The following EEA1 variants were observed in gnomAD, a reference collection of about 807,000 sequenced individuals.
The protein encoded by EEA1 is early endosome antigen 1, 162kD.
A neutral mutation model predicts 209.2 loss-of-function variants in EEA1; 111 were observed. That is an observed-to-expected ratio of 0.53 (90% CI 0.45 to 0.62). EEA1 has a LOEUF of 0.62. EEA1 is among the 20% of genes least tolerant of loss of function. EEA1 has a pLI of 0.00. For synonymous variants in EEA1, 536 were observed against 540.6 expected (o/e 0.99, Z 0.12); for missense variants, 1,343 against 1,530.8 (o/e 0.88, Z 2.05).
intron 24 of EEA1, among the ~76,000 whole-genome samples, chr12:92,779,773 G>T (rs1425315461): frequency 6.6e-6 from 1 of 152,056 alleles, no homozygotes; most frequent in African/African-American, 2.4e-5. Context: ...GTGCTCTCAA[G>T]AAAGAATCTA....
chr12:92,875,577 A>C (rs1878846736), intron 2 of EEA1, among the ~76,000 whole-genome samples: 1 of 152,120 alleles, frequency 6.6e-6, no homozygotes, highest in Admixed American at 6.6e-5. Flanking sequence ...GATCATTACA[A>C]CAGCCTCCTA....
Position 92,799,074 on chromosome 12 carries a change from A to G in EEA1, c.2785T>C (p.Leu929=), listed in dbSNP as rs780288618. 13 of 1,588,400 alleles carry G rather than the reference A, an allele frequency of 8.2e-6. No homozygotes were observed. Among genetic ancestry groups the G allele is most frequent in the Non-Finnish European group, 1.0e-5 (12 of 1,171,406 alleles). Residue 929 remains leucine, a synonymous_variant, in exon 21 of 29, where the codon TTG becomes CTG. Transcript: ENST00000322349. ...LEKEKEASHQ[L]KLELNSMQEQ... ...TGCATTGAATTGAGTTCCAATTTCA[A>G]CTGATGAGAAGCCTGAAAGAAAAAA...
intron 1 of EEA1, among the ~76,000 whole-genome samples, chr12:92,920,407 T>G (rs1330128449): frequency 2.1e-5 from 3 of 143,896 alleles, no homozygotes; most frequent in African/African-American, 8.2e-5. Context: ...GAGATATAGA[T>G]AAATGGAACA....
intron 20 of EEA1, among the ~76,000 whole-genome samples, chr12:92,799,616 C>T (rs1397121330): frequency 6.6e-6 from 1 of 151,760 alleles, no homozygotes; most frequent in Non-Finnish European, 1.5e-5. Flanking sequence ...GAAACCCCAT[C>T]TCTACTAAAA....
chr12:92,789,318 A>C lies in EEA1; in HGVS notation c.2968-1269T>G, dbSNP rs543704438. 6.6e-5 allele frequency among the ~76,000 whole-genome samples: 10 copies of C among 151,178 alleles called. No homozygotes were observed. In the East Asian group the frequency reaches 1.9e-3, roughly 29 times the overall value. On this transcript the variant is annotated intron_variant, in intron 21 of 28. Transcript: ENST00000322349. Reference sequence around the variant, plus strand: ...AAAAAAAGAAAGAAAGAAAAGAAAAAGAGAAAGAAAAGAAAAGAAAAAAAA... The same window carrying C: ...AAAAAAAGAAAGAAAGAAAAGAAAACGAGAAAGAAAAGAAAAGAAAAAAAA...
intron 13 of EEA1, among the ~76,000 whole-genome samples, chr12:92,821,985 C>CAT (rs200890634): frequency 0.017 from 2,532 of 149,186 alleles, 32 homozygotes; most frequent in East Asian, 0.043. Flanking sequence ...ATCCATGAGA[C>CAT]ATATATATAT....
At chr12:92,802,271 A>T in intron 19 of EEA1, 133 bp downstream of exon 19, 2 of 807,548 alleles carry the variant, frequency 2.5e-6, no homozygotes, top group Non-Finnish European at 3.6e-6. Context: ...AATCCCAATT[A>T]ATTTCCTCAT....
chr12:92,778,013 A>C lies in EEA1; in HGVS notation c.3821T>G (p.Leu1274Ter). The stretch of plus-strand genomic sequence containing the variant: ...TTCTAATACTGCAATTTCACCCCGT[A>C]AGTCATCCGTTTGTTTCTCAAGCTC... ...VSELEKQTDD[L>*]RGEIAVLEAT... Residue 1274 changes from leucine (L) to a stop codon, truncating the protein, a stop_gained, in exon 26 of 29, where the codon TTA (leucine) becomes TGA (stop). Transcript: ENST00000322349. LOFTEE classifies it high-confidence loss of function. 1 of 1,613,496 alleles carries C rather than the reference A, an allele frequency of 6.2e-7. No homozygotes were observed. Among genetic ancestry groups the C allele is most frequent in the South Asian group, 1.1e-5 (1 of 91,072 alleles).
At chr12:92,816,510 T>A in intron 14 of EEA1, 110 bp from the exon 15 acceptor site, 2 of 936,918 alleles carry the variant, frequency 2.1e-6, no homozygotes, top group Non-Finnish European at 3.2e-6. Context: ...ATAGTTTATC[T>A]CAAAATTTTT....
chr12:92,901,258 C>T (rs976883750), intron 1 of EEA1, among the ~76,000 whole-genome samples: 1 of 151,758 alleles, frequency 6.6e-6, no homozygotes, highest in African/African-American at 2.4e-5. Flanking sequence ...CTGTATGTTG[C>T]CTAGGCTCAT....
intron 3 of EEA1, among the ~76,000 whole-genome samples, chr12:92,863,199 C>T (rs1239284173): frequency 6.6e-6 from 1 of 152,218 alleles, no homozygotes; most frequent in Non-Finnish European, 1.5e-5. Flanking sequence ...AGATACTCTA[C>T]AGAGATGACT....
intron 20 of EEA1, among the ~76,000 whole-genome samples, chr12:92,800,609 C>T (rs1202777495): frequency 3.3e-5 from 5 of 152,076 alleles, no homozygotes; most frequent in East Asian, 1.9e-4. Flanking sequence ...TATGATATAA[C>T]CAATGATAAA....
intron 2 of EEA1, among the ~76,000 whole-genome samples, chr12:92,870,278 GT>G (rs1468995952): frequency 1.3e-5 from 2 of 152,082 alleles, no homozygotes; most frequent in South Asian, 4.2e-4. Flanking sequence ...GGTCTTTCTG[GT>G]GCAAAAGGTT....
At chr12:92,879,903 C>T (rs1047801789) in intron 2 of EEA1, among the ~76,000 whole-genome samples, 1 of 152,186 alleles carries the variant, frequency 6.6e-6, no homozygotes, top group African/African-American at 2.4e-5. Flanking sequence ...CTTATCCCTA[C>T]GTAGTGGGTT....
intron 18 of EEA1, among the ~76,000 whole-genome samples, chr12:92,806,060 T>C (rs1458489721): frequency 2.0e-5 from 3 of 151,386 alleles, no homozygotes; most frequent in Non-Finnish European, 4.4e-5. Context: ...AAGTGAAAAG[T>C]GGGTAACTGA....
At chr12:92,914,767 A>C (rs1397608236) in intron 1 of EEA1, among the ~76,000 whole-genome samples, 18 of 151,954 alleles carry the variant, frequency 1.2e-4, no homozygotes, top group Non-Finnish European at 1.6e-4. Context: ...GAGTTCGAGC[A>C]ACTCTCCCAC....
intron 1 of EEA1, among the ~76,000 whole-genome samples, chr12:92,920,820 A>C (rs1305605889): frequency 2.1e-3 from 319 of 150,566 alleles, no homozygotes; most frequent in African/African-American, 7.4e-3. Flanking sequence ...CAACCTACAA[A>C]ATGGGAGAAA....
intron 2 of EEA1, among the ~76,000 whole-genome samples, chr12:92,883,132 T>C (rs558104390): frequency 2.6e-5 from 4 of 152,346 alleles, no homozygotes; most frequent in East Asian, 3.9e-4. Context: ...TGGTATCTCA[T>C]TGCGGTTTTG....
At position 92,914,627 on chromosome 12, in the gene EEA1, C is replaced by A. The variant is rs868708393; in HGVS notation, c.24+14416G>T. On this transcript the variant is annotated intron_variant, in intron 1 of 28. Coordinates refer to ENST00000322349, the MANE Select transcript of EEA1 (RefSeq NM_003566.4). ...ATCACTTGAGGCCAAGAGTTTAAGA[C>A]CATCCCCTGGGCAACATAACAAGAC... Among the ~76,000 whole-genome samples, 50 of 151,966 alleles carry A rather than the reference C, an allele frequency of 3.3e-4. 1 individual carries two copies. The highest frequency in any genetic ancestry group is 6.8e-3 in the Middle Eastern group (2 of 294).
Sources: allele counts gnomAD v4.1 joint callset (sites outside exome capture counted in the v4.1 genomes callset), GRCh38; gene constraint gnomAD v4.1.1; transcripts MANE v1.5; gene names NCBI Gene and HGNC (gene_info 2026-07-23, HGNC 2026-07-21).